The following RIMKLB variants were observed in gnomAD, a reference collection of about 807,000 sequenced individuals.
The protein encoded by RIMKLB is beta-citrylglutamate synthase B.
A neutral mutation model predicts 32.0 loss-of-function variants in RIMKLB; 7 were observed. The ratio of observed to expected loss-of-function variants is 0.22; its 90% CI spans 0.12 to 0.41. The LOEUF (loss-of-function observed/expected upper bound fraction) is 0.41. Ranked by LOEUF, RIMKLB falls within the 10% of genes least tolerant of loss-of-function variation. RIMKLB has a pLI of 1.00. For missense variants in RIMKLB, 289 were observed against 498.7 expected (o/e 0.58, Z 4.00); for synonymous variants, 172 against 185.1 (o/e 0.93, Z 0.57).
chr12:8,737,788 C>T (rs1265315981), intron 2 of RIMKLB, among the ~76,000 whole-genome samples: 1 of 152,234 alleles, frequency 6.6e-6, no homozygotes, highest in African/African-American at 2.4e-5. Context: ...GATCTTGGCT[C>T]ACCATAAGCT....
chr12:8,776,842 CAT>C lies in RIMKLB; in HGVS notation c.*3061_*3062del. On this transcript the variant is annotated 3_prime_UTR_variant, in exon 6 of 6. Transcript: ENST00000535829. ...CAAGCACATTATCAGACTTTGAGAA[CAT>C]ATTGAAGGCATTGACTTTGAAAATC... The C allele has an allele frequency of 1.0e-6, 1 of 985,702 alleles. No individual in the cohort carries two copies. Among genetic ancestry groups the C allele is most frequent in the Non-Finnish European group, 1.2e-6 (1 of 829,872 alleles). 61.1% of individuals were successfully genotyped at this position (985,702 alleles called of 1,614,324 possible).
At chr12:8,723,554 T>TA (rs554141199) in intron 2 of RIMKLB, among the ~76,000 whole-genome samples, 1 of 152,096 alleles carries the variant, frequency 6.6e-6, no homozygotes, top group East Asian at 1.9e-4. Context: ...TCTTCATTTG[T>TA]AAAAAACACA....
intron 1 of RIMKLB, among the ~76,000 whole-genome samples, chr12:8,708,956 C>T (rs1223964760): frequency 6.6e-6 from 1 of 152,162 alleles, no homozygotes; most frequent in Admixed American, 6.5e-5. Context: ...GATATTTATA[C>T]ATTGTTTTTC....
At chr12:8,729,887 A>C (rs2137265120) in intron 2 of RIMKLB, among the ~76,000 whole-genome samples, 1 of 152,266 alleles carries the variant, frequency 6.6e-6, no homozygotes, top group Non-Finnish European at 1.5e-5. Context: ...AGCCATCCTA[A>C]TGGGTTATCC....
chr12:8,757,470 C>CAAAAAAAAAAAAAAAAAAAAAAAAAAA (rs55670138), intron 5 of RIMKLB, among the ~76,000 whole-genome samples: 2 of 71,418 alleles, frequency 2.8e-5, no homozygotes, highest in African/African-American at 9.9e-5. Flanking sequence ...GACCCTGTCT[C>CAAAAAAAAAAAAAAAAAAAAAAAAAAA]AAAAAAAAAA....
At chr12:8,725,456 G>C (rs1463427010) in intron 2 of RIMKLB, among the ~76,000 whole-genome samples, 1 of 151,998 alleles carries the variant, frequency 6.6e-6, no homozygotes, top group Non-Finnish European at 1.5e-5. Flanking sequence ...TTTTGTGTTT[G>C]TAGTAGAGAT....
At chr12:8,712,723 C>T (rs897955959) in intron 1 of RIMKLB, among the ~76,000 whole-genome samples, 6 of 152,170 alleles carry the variant, frequency 3.9e-5, no homozygotes, top group Non-Finnish European at 5.9e-5. Flanking sequence ...GGTTTCAAAC[C>T]GTGTGCACTG....
chr12:8,765,585 G>C (rs192837142), intron 5 of RIMKLB, among the ~76,000 whole-genome samples: 55 of 152,178 alleles, frequency 3.6e-4, no homozygotes, highest in Admixed American at 1.1e-3. Context: ...AATTTGCCCC[G>C]GTCTATTTTA....
At chr12:8,735,154 A>G (rs1239912832) in intron 2 of RIMKLB, among the ~76,000 whole-genome samples, 1 of 152,192 alleles carries the variant, frequency 6.6e-6, no homozygotes, top group African/African-American at 2.4e-5. Flanking sequence ...AGAGCTGCAG[A>G]ATATTTGGTA....
intron 5 of RIMKLB, among the ~76,000 whole-genome samples, chr12:8,763,858 G>C (rs182071429): frequency 6.6e-6 from 1 of 152,290 alleles, no homozygotes; most frequent in Non-Finnish European, 1.5e-5. Context: ...AACAGTCCAG[G>C]TGAGTTGAGA....
intron 2 of RIMKLB, among the ~76,000 whole-genome samples, chr12:8,739,578 C>T (rs1453703850): frequency 6.6e-6 from 1 of 152,214 alleles, no homozygotes; most frequent in African/African-American, 2.4e-5. Context: ...GCAAGCTATC[C>T]TACTGCTTCA....
intron 5 of RIMKLB, among the ~76,000 whole-genome samples, chr12:8,764,272 A>G (rs1022954207): frequency 6.6e-6 from 1 of 152,000 alleles, no homozygotes; most frequent in Non-Finnish European, 1.5e-5. Context: ...GCTTGTCCAT[A>G]TTGTCCTTCT....
At chr12:8,673,623 T>C in the RIMKLB span, among the ~76,000 whole-genome samples, 2 of 149,750 alleles carry the variant, frequency 1.3e-5, no homozygotes, top group Non-Finnish European at 3.0e-5. Flanking sequence ...TGAGATGGAG[T>C]CTTGCTCTGT....
chr12:8,719,856 G>C (rs762864469), intron 2 of RIMKLB, among the ~76,000 whole-genome samples: 49 of 152,212 alleles, frequency 3.2e-4, no homozygotes, highest in Non-Finnish European at 6.2e-4. Flanking sequence ...CAAGGTTGTG[G>C]ATACAAGGAT....
At chr12:8,731,455 GTT>G (rs61334074) in intron 2 of RIMKLB, among the ~76,000 whole-genome samples, 1 of 145,084 alleles carries the variant, frequency 6.9e-6, no homozygotes, top group African/African-American at 2.5e-5. Context: ...CCTGGTGGTG[GTT>G]TTTTTTTTTT....
intron 2 of RIMKLB, among the ~76,000 whole-genome samples, chr12:8,737,584 T>G (rs961388018): frequency 2.2e-4 from 33 of 152,330 alleles, no homozygotes; most frequent in African/African-American, 7.7e-4. Context: ...TTGAATAGTT[T>G]TAGCCTCCAT....
rs750080334 is a variant in RIMKLB, at chr12:8,700,520, A to G, written c.-57+2223A>G. 3.9e-5 allele frequency: 6 copies of G among 152,432 alleles called. No homozygotes were observed. The East Asian group carries it at 1.2e-3, about 29-fold the overall frequency. The allele number at this position is 152,432 out of a possible 1,614,324, so 9.4% of individuals were successfully genotyped here. ...TATCATCTTCCTCTGGGGAGCAGGC[A>G]TAGAGACATAAACTGAGTGAAAATG... is the stretch of plus-strand genomic sequence containing the variant. On this transcript the variant is annotated intron_variant, in intron 1 of 5. Transcript: ENST00000535829.
chr12:8,771,435 A>G (rs1391917156), intron 5 of RIMKLB, among the ~76,000 whole-genome samples: 1 of 152,166 alleles, frequency 6.6e-6, no homozygotes, highest in Non-Finnish European at 1.5e-5. Flanking sequence ...AAAGACTATA[A>G]CAAGGGCTGT....
intron 1 of RIMKLB, among the ~76,000 whole-genome samples, chr12:8,705,172 A>G: frequency 6.6e-6 from 1 of 152,148 alleles, no homozygotes; most frequent in East Asian, 1.9e-4. Context: ...AGTGTTGAAT[A>G]TACTGGAGAT....
Sources: allele counts gnomAD v4.1 joint callset (sites outside exome capture counted in the v4.1 genomes callset), GRCh38; gene constraint gnomAD v4.1.1; transcripts MANE v1.5; gene names NCBI Gene and HGNC (gene_info 2026-07-23, HGNC 2026-07-21).